Variants in SRRT observed in about 807,000 individuals in gnomAD.
SRRT encodes serrate, RNA effector molecule, also known as serrate RNA effector molecule homolog.
In SRRT, 32 loss-of-function variants were observed where a neutral mutation model predicts 103.2. That is an observed-to-expected ratio of 0.31 (90% CI 0.23 to 0.42). The LOEUF (loss-of-function observed/expected upper bound fraction) is 0.42, where lower values mean the gene tolerates loss of function less well. Among genes scored for constraint, SRRT ranks in the 10% least tolerant of loss-of-function variants. SRRT has a pLI of 1.00. For synonymous variants in SRRT, 525 were observed against 449.0 expected (o/e 1.17, Z -2.14); for missense variants, 986 against 1,207.5 (o/e 0.82, Z 2.72).
rs1790309009 is a variant in SRRT at position 100,887,950 on chromosome 7, T to G, written c.2326+91T>G. On this transcript the variant is annotated intron_variant, in intron 17 of 19. Coordinates refer to ENST00000611405, the MANE Select transcript of SRRT (RefSeq NM_015908.6). The surrounding 1 kb of genome is among the most constrained non-coding windows in gnomAD (Gnocchi z 4.1). ...CTTTAACGTGTCACCCCGAGAAGTT[T>G]CTGCCCCATCCTCAGGCCATAGCCC... 6.5e-7 allele frequency: 1 copy of G among 1,540,074 alleles called. No homozygotes were observed. Among genetic ancestry groups the G allele is most frequent in the Admixed American group, 2.0e-5 (1 of 49,924 alleles).
rs1409253639 is a variant in SRRT at position 100,879,112 on chromosome 7, C to T, written c.123-2173C>T. Among the ~76,000 whole-genome samples, 5 of 152,108 alleles carry T rather than the reference C, an allele frequency of 3.3e-5. No homozygotes were observed. The East Asian group carries it at 5.8e-4, about 18-fold the overall frequency. On this transcript the variant is annotated intron_variant, in intron 2 of 19. Coordinates refer to ENST00000611405, the MANE Select transcript of SRRT (RefSeq NM_015908.6). ...TTGGGATTACAGGTGCCTGCCACCACGCCCGGCTAATTTTTGTGTATTTAG... is the reference window on the plus strand; with the variant it reads ...TTGGGATTACAGGTGCCTGCCACCATGCCCGGCTAATTTTTGTGTATTTAG...
Position 100,882,927 on chromosome 7 carries a change from G to A in SRRT, c.587+686G>A, listed in dbSNP as rs1266581426. 6.6e-6 allele frequency: 1 copy of A among 152,458 alleles called. No individual in the cohort carries two copies. Among genetic ancestry groups the A allele is most frequent in the African/African-American group, 2.4e-5 (1 of 41,466 alleles). The allele number at this position is 152,458 out of a possible 1,614,324, so 9.4% of individuals were successfully genotyped here. On this transcript the variant is annotated intron_variant, in intron 5 of 19. Transcript: ENST00000611405. This position sits in a 1 kb window ranked among gnomAD's most constrained non-coding sequence, Gnocchi z 4.2. ...CTGTGCACAATGCAGCGGTTTAGCT[G>A]AATGTGATTGCTCAGGCAGCTAGCC...
intron 2 of SRRT, among the ~76,000 whole-genome samples, chr7:100,878,936 T>C (rs1450652972): frequency 6.6e-6 from 1 of 152,054 alleles, no homozygotes; most frequent in Non-Finnish European, 1.5e-5. Context: ...TTCCTTTCTT[T>C]CTTTTTCTTT....
At chr7:100,875,418 T>G in intron 1 of SRRT, 90 bp downstream of exon 1, 2 of 1,422,908 alleles carry the variant, frequency 1.4e-6, no homozygotes, top group South Asian at 1.4e-5. Context: ...TCGGGGCGAG[T>G]GGAGGTGTTG....
rs113810410 is a variant in SRRT at position 100,887,272 on chromosome 7, C to T, written c.1976-48C>T. ...CCTCCAGCCCCTTGCCACCATCCTT[C>T]CTTCTGGCTCCCTTGCCAACCTTCC... is the stretch of plus-strand genomic sequence containing the variant. On this transcript the variant is annotated intron_variant, in intron 15 of 19. Transcript: ENST00000611405. The surrounding 1 kb of genome is among the most constrained non-coding windows in gnomAD (Gnocchi z 4.1). The T allele has an allele frequency of 1.3e-3, 2,098 of 1,610,098 alleles. 19 individuals carry two copies. In the African/African-American group the frequency reaches 0.025, roughly 19 times the overall value.
Position 100,884,009 on chromosome 7 carries a change from C to T in SRRT, c.588-61C>T, listed in dbSNP as rs1789826109. ...GCCCTGTCTTTCCTGGGCCCCTTCC[C>T]ACATCCTGGCCTTGGCTTCCAATAA... is the stretch of plus-strand genomic sequence containing the variant. On this transcript the variant is annotated intron_variant, in intron 5 of 19. Transcript: ENST00000611405. 8 of 1,517,334 alleles carry T rather than the reference C, an allele frequency of 5.3e-6. No homozygotes were observed. In the South Asian group the frequency reaches 5.3e-5, roughly 10 times the overall value. The allele number at this position is 1,517,334 out of a possible 1,614,324, so 94.0% of individuals were successfully genotyped here. A position where few individuals can be genotyped will look rare whatever the true frequency, so the allele number is the denominator to read the frequency against.
intron 2 of SRRT, among the ~76,000 whole-genome samples, chr7:100,876,392 TCCAC>T (rs1243239268): frequency 6.6e-6 from 1 of 152,208 alleles, no homozygotes; most frequent in Non-Finnish European, 1.5e-5. Context: ...CTTTAGGTAA[TCCAC>T]CCAGCTCGAC....
At chr7:100,880,867 T>C in intron 2 of SRRT, 1 of 273,328 alleles carries the variant, frequency 3.7e-6, no homozygotes, top group Non-Finnish European at 7.4e-6. Flanking sequence ...TTCTTGGGTA[T>C]TGGCTGAACT....
At chr7:100,888,015 C>G (rs771595371) in intron 17 of SRRT, 27 bp from the exon 18 acceptor site, 1 of 1,529,050 alleles carries the variant, frequency 6.5e-7, no homozygotes, top group Non-Finnish European at 8.8e-7. Flanking sequence ...CCCGCCCCCG[C>G]AGTAATTCAT....
chr7:100,876,010 G>T (rs1408584233), intron 2 of SRRT: 4 of 334,888 alleles, frequency 1.2e-5, no homozygotes, highest in Non-Finnish European at 2.4e-5. Flanking sequence ...TTGAGATGGG[G>T]TCTTGTTCTG....
At position 100,884,991 on chromosome 7, in the gene SRRT, TGAGTCG is replaced by T. The variant is rs1563020566; in HGVS notation, c.1116_1121del (p.Glu375_Ser376del). 6.2e-7 allele frequency: 1 copy of T among 1,614,042 alleles called. No homozygotes were observed. Among genetic ancestry groups the T allele is most frequent in the Middle Eastern group, 1.6e-4 (1 of 6,062 alleles). ...TTGACGAGGGCAGCGTGTCAGAGTC[TGAGTCG>T]GAGTCAGAGAGCGGCCAGGCTGAGG... On this transcript the variant is annotated inframe_deletion, in exon 9 of 20. Transcript: ENST00000611405.
At chr7:100,876,246 G>T (rs1171463911) in intron 2 of SRRT, among the ~76,000 whole-genome samples, 1 of 152,206 alleles carries the variant, frequency 6.6e-6, no homozygotes, top group Non-Finnish European at 1.5e-5. Context: ...TCGCCTCTGG[G>T]GTTCAAGTAA....
intron 2 of SRRT, among the ~76,000 whole-genome samples, chr7:100,877,764 C>A (rs970057393): frequency 2.0e-5 from 3 of 152,068 alleles, no homozygotes; most frequent in African/African-American, 7.2e-5. Flanking sequence ...CACATATCCA[C>A]CTGCTTCGAC....
intron 2 of SRRT, among the ~76,000 whole-genome samples, chr7:100,879,663 GA>G (rs1816095044): frequency 6.6e-6 from 1 of 152,150 alleles, no homozygotes; most frequent in Non-Finnish European, 1.5e-5. Flanking sequence ...CACATAAGCA[GA>G]AACTCTTTGG....
rs1191260541 is a variant in SRRT at position 100,885,294 on chromosome 7, C to T, written c.1241C>T (p.Pro414Leu). The change falls in exon 10 of 20, where the codon CCG becomes CTG. Residue 414 changes from proline (P) to leucine (L), a missense_variant. Physicochemically the swap from Pro to Leu is moderately conservative, Grantham distance 98. This residue lies in a region of SRRT where 349 missense variants were observed against 446.9 expected (regional missense o/e 0.78). Transcript: ENST00000611405. The surrounding 1 kb of genome is among the most constrained non-coding windows in gnomAD (Gnocchi z 4.8). Reference sequence around the variant, plus strand: ...GACGCCGCGGGGCTGGAGTGCAAGCCGCGGCCGCTGCATAAGACCTGCTCC... The same window carrying T: ...GACGCCGCGGGGCTGGAGTGCAAGCTGCGGCCGCTGCATAAGACCTGCTCC... ...PKDAAGLECK[P>L]RPLHKTCSLF... 14 of 1,614,158 alleles carry T rather than the reference C, an allele frequency of 8.7e-6. No homozygotes were observed. Among genetic ancestry groups the T allele is most frequent in the East Asian group, 2.2e-5 (1 of 44,878 alleles).
intron 7 of SRRT, 76 bp downstream of exon 7, chr7:100,884,628 G>A (rs1278996610): frequency 1.5e-6 from 2 of 1,367,056 alleles, no homozygotes; most frequent in East Asian, 3.1e-5. Flanking sequence ...ATAGGAGCTA[G>A]AAGTAGGGGG....
At chr7:100,877,144 C>T (rs889721547) in intron 2 of SRRT, among the ~76,000 whole-genome samples, 12 of 151,618 alleles carry the variant, frequency 7.9e-5, no homozygotes, top group Admixed American at 5.3e-4. Flanking sequence ...AAAAGCCAGC[C>T]GGGCCCAGTG....
chr7:100,878,141 T>C (rs1202943023), intron 2 of SRRT, among the ~76,000 whole-genome samples: 1 of 151,994 alleles, frequency 6.6e-6, no homozygotes, highest in East Asian at 1.9e-4. Context: ...GTGAAACCTG[T>C]CTGTACAAAA....
chr7:100,881,145 G>T (rs1019930811), intron 2 of SRRT, 140 bp from the exon 3 acceptor site: 22 of 796,264 alleles, frequency 2.8e-5, no homozygotes, highest in Non-Finnish European at 3.7e-5. Context: ...CGGGGGGCGG[G>T]GGGGGGTCTC....
Sources: allele counts gnomAD v4.1 joint callset (sites outside exome capture counted in the v4.1 genomes callset), GRCh38; gene constraint gnomAD v4.1.1; regional missense constraint gnomAD v4.1.1; non-coding constraint Gnocchi (gnomAD v3.1); transcripts MANE v1.5; gene names NCBI Gene and HGNC (gene_info 2026-07-23, HGNC 2026-07-21).